The following IMPG1 variants were observed in gnomAD, a reference collection of about 807,000 sequenced individuals.
The protein encoded by IMPG1 is interphotoreceptor matrix proteoglycan 1.
Under a neutral mutation model 92.0 loss-of-function variants are expected in IMPG1, and 85 were observed. The ratio of observed to expected loss-of-function variants is 0.92; its 90% confidence interval spans 0.78 to 1.11. The LOEUF is 1.11. Ranked by LOEUF, IMPG1 falls within the 50% of genes least tolerant of loss-of-function variation. IMPG1 has a pLI of 0.00. For missense variants in IMPG1, 1,022 were observed against 956.0 expected (o/e 1.07, Z -0.91); for synonymous variants, 367 against 334.1 (o/e 1.10, Z -1.08).
chr6:75,996,178 C>A (rs1409650798), intron 12 of IMPG1, among the ~76,000 whole-genome samples: 2 of 152,092 alleles, frequency 1.3e-5, no homozygotes, highest in Non-Finnish European at 1.5e-5. Flanking sequence ...CTACATGGGA[C>A]CCCTGGGGAA....
At chr6:75,940,144 G>C (rs969411421) in intron 14 of IMPG1, among the ~76,000 whole-genome samples, 1 of 152,068 alleles carries the variant, frequency 6.6e-6, no homozygotes, top group African/African-American at 2.4e-5. Flanking sequence ...TAACTGTTGG[G>C]GTTATTCAGA....
rs190568085 is a variant in IMPG1, at chr6:75,947,659, T to C, written c.1825-126A>G. The stretch of plus-strand genomic sequence containing the variant: ...AGTTCCTTTTTATTATTTTGATTTT[T>C]GTTTTTGGATTTAATGTGAGACCAG... On this transcript the variant is annotated intron_variant, in intron 13 of 16. Transcript: ENST00000369950. 8.5e-6 allele frequency: 6 copies of C among 704,190 alleles called. No individual in the cohort carries two copies. The East Asian group carries it at 1.6e-4, about 19-fold the overall frequency. 43.6% of individuals were successfully genotyped at this position (704,190 alleles called of 1,614,324 possible).
intron 1 of IMPG1, among the ~76,000 whole-genome samples, chr6:76,045,149 G>A (rs1043848058): frequency 6.6e-6 from 1 of 152,118 alleles, no homozygotes; most frequent in Non-Finnish European, 1.5e-5. Flanking sequence ...GTCCCTGTTT[G>A]GGAAATAAAT....
At chr6:75,958,455 T>G (rs886690380) in intron 12 of IMPG1, among the ~76,000 whole-genome samples, 8 of 152,236 alleles carry the variant, frequency 5.3e-5, no homozygotes, top group African/African-American at 1.9e-4. Flanking sequence ...GGTGAAGTTC[T>G]CCTGGATAAT....
At chr6:76,037,780 T>C (rs889825850) in intron 2 of IMPG1, among the ~76,000 whole-genome samples, 1 of 152,232 alleles carries the variant, frequency 6.6e-6, no homozygotes, top group Non-Finnish European at 1.5e-5. Flanking sequence ...AAACTAGCAC[T>C]GTCTTTGGTG....
intron 2 of IMPG1, among the ~76,000 whole-genome samples, chr6:76,035,629 A>G (rs988091239): frequency 4.6e-5 from 7 of 152,126 alleles, no homozygotes; most frequent in Admixed American, 4.6e-4. Context: ...TTTCCAAGTG[A>G]TGAGCAGGCA....
chr6:76,024,864 GA>G (rs1292451808), intron 5 of IMPG1: 3 of 410,244 alleles, frequency 7.3e-6, no homozygotes, highest in South Asian at 1.8e-5. Flanking sequence ...AGGTTAAGTG[GA>G]AAAAATGATA....
intron 12 of IMPG1, among the ~76,000 whole-genome samples, chr6:75,990,083 A>T (rs1439059448): frequency 2.0e-5 from 3 of 152,238 alleles, no homozygotes; most frequent in African/African-American, 4.8e-5. Context: ...AAAAACAAAT[A>T]GATGTATTCA....
At chr6:76,027,577 T>C (rs967016837) in intron 4 of IMPG1, among the ~76,000 whole-genome samples, 7 of 152,188 alleles carry the variant, frequency 4.6e-5, no homozygotes, top group Admixed American at 4.6e-4. Context: ...TTAAATTATA[T>C]AGAAAAAAGC....
In IMPG1 at chr6:76,022,189, G is replaced by T; in HGVS notation, c.593C>A (p.Pro198His). 6.3e-7 allele frequency: 1 copy of T among 1,594,672 alleles called. No homozygotes were observed. The highest frequency in any genetic ancestry group is 8.6e-7 in the Non-Finnish European group (1 of 1,166,664). ...DVANVSLGPFPLTPDDTLLNE... is the reference protein window; with the variant it reads ...DVANVSLGPFHLTPDDTLLNE... The stretch of plus-strand genomic sequence containing the variant: ...GAGGAGGGTGTCATCAGGAGTGAGA[G>T]GGAAAGGCCCAAGTGAGACGTTGGC... Residue 198 changes from proline (P) to histidine (H), a missense_variant, in exon 6 of 17, where the codon CCT becomes CAT. Pro to His is a moderately conservative substitution (Grantham distance 77, BLOSUM62 -2). Coordinates refer to ENST00000369950, the MANE Select transcript of IMPG1 (RefSeq NM_001563.4).
At chr6:75,954,676 G>A (rs749682199) in intron 12 of IMPG1, among the ~76,000 whole-genome samples, 4 of 152,132 alleles carry the variant, frequency 2.6e-5, no homozygotes, top group Admixed American at 6.6e-5. Flanking sequence ...AATTAGTCAC[G>A]AAGTCTTTGC....
At chr6:76,033,333 C>G (rs1783683017) in intron 4 of IMPG1, among the ~76,000 whole-genome samples, 1 of 152,242 alleles carries the variant, frequency 6.6e-6, no homozygotes, top group African/African-American at 2.4e-5. Context: ...GCCACTGATG[C>G]AGTTCTTACC....
intron 1 of IMPG1, among the ~76,000 whole-genome samples, chr6:76,053,156 T>A (rs62431333): frequency 2.6e-5 from 4 of 152,196 alleles, no homozygotes; most frequent in Non-Finnish European, 4.4e-5. Context: ...ACCATCTCCA[T>A]AAGTTTCAGA....
At chr6:75,927,763 C>T (rs1005579527) in intron 15 of IMPG1, among the ~76,000 whole-genome samples, 7 of 138,690 alleles carry the variant, frequency 5.0e-5, no homozygotes, top group African/African-American at 1.8e-4. Flanking sequence ...CACTTCCTCT[C>T]ATCTATTGCC....
chr6:76,062,531 G>A (rs1191312719), intron 1 of IMPG1, among the ~76,000 whole-genome samples: 1 of 152,126 alleles, frequency 6.6e-6, no homozygotes, highest in Non-Finnish European at 1.5e-5. Flanking sequence ...GGTTGTGTTT[G>A]GATGGAACTA....
rs1217439555 is a variant in IMPG1, at chr6:76,032,129, T to C, written c.497+2186A>G. Among the ~76,000 whole-genome samples the C allele has an allele frequency of 2.0e-5, 3 of 152,252 alleles. No individual in the cohort carries two copies. In the East Asian group the frequency reaches 5.8e-4, roughly 29 times the overall value. ...TAGCTAATGTAAAATATTTGTTTCATGTTCCTTTCTTTCTCTCCAGAAATG... is the reference window on the plus strand; with the variant it reads ...TAGCTAATGTAAAATATTTGTTTCACGTTCCTTTCTTTCTCTCCAGAAATG... On this transcript the variant is annotated intron_variant, in intron 4 of 16. Transcript: ENST00000369950.
intron 12 of IMPG1, among the ~76,000 whole-genome samples, chr6:75,959,793 G>C (rs1436336120): frequency 1.3e-5 from 2 of 152,206 alleles, no homozygotes; most frequent in African/African-American, 4.8e-5. Context: ...ATCTTAGCTT[G>C]CTGGGCTCCA....
intron 7 of IMPG1, among the ~76,000 whole-genome samples, chr6:76,014,169 G>A (rs1044605810): frequency 3.3e-5 from 5 of 152,174 alleles, no homozygotes; most frequent in African/African-American, 9.7e-5. Flanking sequence ...ACAAGTGCCT[G>A]GTACACAGCT....
intron 12 of IMPG1, among the ~76,000 whole-genome samples, chr6:75,987,737 C>A (rs760669271): frequency 1.1e-4 from 16 of 152,032 alleles, no homozygotes; most frequent in Middle Eastern, 3.4e-3. Flanking sequence ...CTCCGCCTCC[C>A]GGGTTCACGC....
Sources: gnomAD v4.1 joint callset for allele counts (sites outside exome capture counted in the v4.1 genomes callset) on GRCh38, gnomAD v4.1.1 for gene constraint, MANE v1.5 for transcripts, NCBI Gene and HGNC (gene_info 2026-07-23, HGNC 2026-07-21) for gene names.